CATSPERT: variants seen among roughly 807,000 people sequenced by gnomAD.
CATSPERT encodes the protein cation channel sperm-associated targeting subunit tau.
At chr2:201,504,103 C>T in the CATSPERT span, among the ~76,000 whole-genome samples, 1 of 152,204 alleles carries the variant, frequency 6.6e-6, no homozygotes, top group African/African-American at 2.4e-5. Flanking sequence ...GCCAAAGACT[C>T]CAGAGGAACT....
chr2:201,595,784 C>G, the CATSPERT span, among the ~76,000 whole-genome samples: 2 of 152,024 alleles, frequency 1.3e-5, no homozygotes, highest in Non-Finnish European at 2.9e-5. Flanking sequence ...CAAAAGAAGA[C>G]ACACATGTGG....
At chr2:201,496,154 C>T in the CATSPERT span, among the ~76,000 whole-genome samples, 1 of 151,666 alleles carries the variant, frequency 6.6e-6, no homozygotes, top group Non-Finnish European at 1.5e-5. Context: ...ATATTGGATT[C>T]TTTGGTATTA....
the CATSPERT span, among the ~76,000 whole-genome samples, chr2:201,547,966 A>G: frequency 6.6e-6 from 1 of 152,122 alleles, no homozygotes; most frequent in African/African-American, 2.4e-5. Flanking sequence ...TATTCAATAT[A>G]TATTACTCTT....
chr2:201,578,793 T>C, the CATSPERT span, among the ~76,000 whole-genome samples: 2 of 152,152 alleles, frequency 1.3e-5, no homozygotes, highest in African/African-American at 4.8e-5. Context: ...CTACATTTTC[T>C]TCAACAAAAA....
the CATSPERT span, chr2:201,511,854 A>C: frequency 5.3e-5 from 8 of 149,936 alleles, no homozygotes; most frequent in Admixed American, 1.3e-4. Flanking sequence ...TTAAAAAAAA[A>C]AAAAAAAAAA....
At chr2:201,619,043 A>T in the CATSPERT span, 6 of 1,614,030 alleles carry the variant, frequency 3.7e-6, no homozygotes, top group Non-Finnish European at 5.1e-6. Flanking sequence ...TTCCTCTGCA[A>T]TAGCGGGGTG....
At chr2:201,554,650 T>C in the CATSPERT span, 1 of 152,178 alleles carries the variant, frequency 6.6e-6, no homozygotes, top group Non-Finnish European at 1.5e-5. Flanking sequence ...CAAAGAATCA[T>C]ATATATGAAA....
the CATSPERT span, among the ~76,000 whole-genome samples, chr2:201,586,107 AT>A: frequency 6.6e-6 from 1 of 152,088 alleles, no homozygotes; most frequent in Non-Finnish European, 1.5e-5. Context: ...CTTCCCTATG[AT>A]TTTTTTAACG....
At chr2:201,488,585 A>T in the CATSPERT span, among the ~76,000 whole-genome samples, 1 of 152,238 alleles carries the variant, frequency 6.6e-6, no homozygotes, top group African/African-American at 2.4e-5. Context: ...TATATAAGGT[A>T]TGAATCTAGT....
At chr2:201,571,564 C>A in the CATSPERT span, among the ~76,000 whole-genome samples, 3 of 152,174 alleles carry the variant, frequency 2.0e-5, no homozygotes, top group African/African-American at 7.2e-5. Flanking sequence ...TACCGCAGAG[C>A]AGAAAACTGA....
the CATSPERT span, chr2:201,555,019 C>T: frequency 2.0e-5 from 3 of 152,178 alleles, no homozygotes; most frequent in Non-Finnish European, 4.4e-5. Context: ...TAGTTTCTAT[C>T]TCTGACTAAC....
At chr2:201,531,962 A>G in the CATSPERT span, among the ~76,000 whole-genome samples, 3 of 152,220 alleles carry the variant, frequency 2.0e-5, no homozygotes, top group African/African-American at 7.2e-5. Context: ...TCTGGCTGCT[A>G]TGAGAAGAAC....
At chr2:201,581,595 C>CATACACACAT in the CATSPERT span, among the ~76,000 whole-genome samples, 1 of 17,784 alleles carries the variant, frequency 5.6e-5, no homozygotes, top group African/African-American at 2.2e-4. Flanking sequence ...TATATATATA[C>CATACACACAT]ACATACATAT....
chr2:201,599,429 T>G, the CATSPERT span, among the ~76,000 whole-genome samples: 1 of 152,190 alleles, frequency 6.6e-6, no homozygotes, highest in Non-Finnish European at 1.5e-5. Context: ...CTCTCAATTC[T>G]CCCCTGACAG....
At chr2:201,562,705 G>T in the CATSPERT span, among the ~76,000 whole-genome samples, 6 of 143,442 alleles carry the variant, frequency 4.2e-5, no homozygotes, top group Non-Finnish European at 6.1e-5. Context: ...AGATTAGGGA[G>T]TGGTGATGAC....
At chr2:201,546,244 A>G in the CATSPERT span, among the ~76,000 whole-genome samples, 1 of 152,180 alleles carries the variant, frequency 6.6e-6, no homozygotes, top group African/African-American at 2.4e-5. Flanking sequence ...AAATGAAAAT[A>G]TCAATATGTT....
At chr2:201,579,708 T>A in the CATSPERT span, among the ~76,000 whole-genome samples, 1 of 150,406 alleles carries the variant, frequency 6.6e-6, no homozygotes, top group African/African-American at 2.5e-5. Flanking sequence ...CCAAAGCTAT[T>A]TAAAGAATCT....
the CATSPERT span, chr2:201,494,437 G>A: frequency 6.5e-7 from 1 of 1,537,574 alleles, no homozygotes; most frequent in Non-Finnish European, 8.7e-7. Context: ...GCTTGGTAAA[G>A]ATACATTTGG....
At chr2:201,543,637 T>C in the CATSPERT span, among the ~76,000 whole-genome samples, 1 of 152,168 alleles carries the variant, frequency 6.6e-6, no homozygotes, top group Non-Finnish European at 1.5e-5. Context: ...ATTTTCTTGA[T>C]TTCTTTTTTG....
Sources: allele counts gnomAD v4.1 joint callset (sites outside exome capture counted in the v4.1 genomes callset), GRCh38; gene constraint gnomAD v4.1.1; transcripts MANE v1.5; gene names NCBI Gene and HGNC (gene_info 2026-07-23, HGNC 2026-07-21).